Variants in CSMD3 observed in about 807,000 individuals in gnomAD.
CSMD3 encodes CUB and Sushi multiple domains 3, also known as CUB and sushi domain-containing protein 3.
A neutral mutation model predicts 435.2 loss-of-function variants in CSMD3; 177 were observed. The ratio of observed to expected loss-of-function variants is 0.41; its 90% confidence interval spans 0.36 to 0.46. The LOEUF (loss-of-function observed/expected upper bound fraction) is 0.46. Ranked by LOEUF, CSMD3 falls within the 20% of genes least tolerant of loss-of-function variation. The probability of loss-of-function intolerance (pLI) is 0.34; values close to 1 mark genes in which losing one functional copy is unlikely to be tolerated. For synonymous variants in CSMD3, 1,656 were observed against 1,520.5 expected, an observed-to-expected ratio of 1.09 and a Z score of -2.07; for missense variants, 4,265 against 4,504.6, an observed-to-expected ratio of 0.95 and a Z score of 1.52.
At chr8:113,328,098 GAC>G (rs149822754) in intron 1 of CSMD3, among the ~76,000 whole-genome samples, 62 of 148,458 alleles carry the variant, frequency 4.2e-4, no homozygotes, top group Admixed American at 1.3e-3. Flanking sequence ...GACACACACA[GAC>G]ACACACACAC....
intron 13 of CSMD3, among the ~76,000 whole-genome samples, chr8:112,776,885 C>T (rs1434462077): frequency 2.0e-5 from 3 of 151,584 alleles, no homozygotes; most frequent in Non-Finnish European, 4.4e-5. Flanking sequence ...AATAAATATA[C>T]AATTTAATTT....
chr8:113,076,504 A>G (rs1217334698), intron 5 of CSMD3, among the ~76,000 whole-genome samples: 1 of 152,074 alleles, frequency 6.6e-6, no homozygotes, highest in East Asian at 1.9e-4. Flanking sequence ...ATTTGATTAA[A>G]TCTATAGTAG....
chr8:112,694,660 GT>G (rs903982555), intron 13 of CSMD3, among the ~76,000 whole-genome samples: 1 of 151,844 alleles, frequency 6.6e-6, no homozygotes, highest in Non-Finnish European at 1.5e-5. Context: ...CTGCTTTTGG[GT>G]TTTTTTCCTA....
intron 31 of CSMD3, among the ~76,000 whole-genome samples, chr8:112,490,710 G>A (rs944382913): frequency 8.6e-5 from 13 of 151,982 alleles, no homozygotes; most frequent in Non-Finnish European, 1.5e-5. Flanking sequence ...GTTTCCAAAT[G>A]ATCATTGACA....
chr8:112,879,246 C>T lies in CSMD3; in HGVS notation c.1634-19980G>A, dbSNP rs180897808. Among the ~76,000 whole-genome samples, 23 of 152,202 alleles carry T rather than the reference C, an allele frequency of 1.5e-4. 1 individual carries two copies. In the East Asian group the frequency reaches 3.9e-3, roughly 26 times the overall value. On this transcript the variant is annotated intron_variant, in intron 10 of 70. Transcript: ENST00000297405. ...GGAGGAAGCCTCTAAAATGGCCGCT[C>T]TAGGAGTATCTGCCTTATGCAGTTG... is the stretch of plus-strand genomic sequence containing the variant.
chr8:112,308,332 G>C (rs968082839), intron 50 of CSMD3, among the ~76,000 whole-genome samples: 3 of 152,050 alleles, frequency 2.0e-5, no homozygotes, highest in Non-Finnish European at 4.4e-5. Context: ...GTGTAGTATA[G>C]ATTGAATCTA....
intron 12 of CSMD3, among the ~76,000 whole-genome samples, chr8:112,813,441 C>T (rs1020458379): frequency 6.6e-6 from 1 of 152,048 alleles, no homozygotes; most frequent in African/African-American, 2.4e-5. Flanking sequence ...TTGTACAGGA[C>T]TTTACAAAGT....
At chr8:112,257,133 C>T (rs533877325) in intron 61 of CSMD3, among the ~76,000 whole-genome samples, 1 of 152,088 alleles carries the variant, frequency 6.6e-6, no homozygotes, top group African/African-American at 2.4e-5. Context: ...CTATTTATAA[C>T]AAACCCACAG....
intron 5 of CSMD3, among the ~76,000 whole-genome samples, chr8:113,085,198 G>C (rs886270932): frequency 6.6e-6 from 1 of 151,584 alleles, no homozygotes; most frequent in Non-Finnish European, 1.5e-5. Context: ...TATCCACAAA[G>C]GACTAATATT....
At position 112,336,552 on chromosome 8, in the gene CSMD3, A is replaced by T. The variant is rs886279897; in HGVS notation, c.7019+100T>A. 22 of 924,976 alleles carry T rather than the reference A, an allele frequency of 2.4e-5. No individual in the cohort carries two copies. In the Admixed American group the frequency reaches 2.5e-4, roughly 10 times the overall value. The allele number at this position is 924,976 out of a possible 1,614,324, so 57.3% of individuals were successfully genotyped here. On this transcript the variant is annotated intron_variant, in intron 44 of 70. Transcript: ENST00000297405. Reference sequence around the variant, plus strand: ...AGTTACTCACATCAATTCAAATATCAGATGACAATTTGTAACAGAGGATTG... The same window carrying T: ...AGTTACTCACATCAATTCAAATATCTGATGACAATTTGTAACAGAGGATTG...
At chr8:112,465,087 C>T (rs974941048) in intron 32 of CSMD3, among the ~76,000 whole-genome samples, 3 of 152,066 alleles carry the variant, frequency 2.0e-5, no homozygotes, top group African/African-American at 7.2e-5. Flanking sequence ...AACATAGGGC[C>T]TTTAAACATT....
At chr8:113,017,800 A>G (rs987962281) in intron 6 of CSMD3, among the ~76,000 whole-genome samples, 15 of 152,170 alleles carry the variant, frequency 9.9e-5, no homozygotes, top group African/African-American at 3.4e-4. Flanking sequence ...TTTAAAAGTG[A>G]CATTGCCTTA....
In CSMD3 at chr8:112,314,539, T is replaced by C; in HGVS notation, c.7439A>G (p.Asn2480Ser). ...AATGCTCCATGCACACATTTGAAGA[T>C]TTGGGTAACTGTCAGGATATCCAGG... Reference protein sequence around the residue: ...LSPGYPDSYPNLQMCAWSISV... With the variant: ...LSPGYPDSYPSLQMCAWSISV... The change falls in exon 48 of 71, where the codon AAT becomes AGT. Residue 2480 changes from asparagine to serine, a missense_variant. By Grantham distance (46) the Asn-to-Ser change is conservative (BLOSUM62 1). This residue lies in a region of CSMD3 where 3,255 missense variants were observed against 3,380.2 expected (regional missense o/e 0.96). Coordinates refer to ENST00000297405, the MANE Select transcript of CSMD3 (RefSeq NM_198123.2). 2 of 1,612,080 alleles carry C rather than the reference T, an allele frequency of 1.2e-6. No individual in the cohort carries two copies. Among genetic ancestry groups the C allele is most frequent in the Non-Finnish European group, 1.7e-6 (2 of 1,178,288 alleles).
intron 5 of CSMD3, among the ~76,000 whole-genome samples, chr8:113,079,392 A>G (rs1216212530): frequency 1.3e-5 from 2 of 152,182 alleles, no homozygotes; most frequent in African/African-American, 4.8e-5. Context: ...CAATAGTGAG[A>G]CAATGACTGG....
At chr8:112,477,821 AC>A (rs1235275096) in intron 31 of CSMD3, among the ~76,000 whole-genome samples, 6 of 152,334 alleles carry the variant, frequency 3.9e-5, no homozygotes, top group African/African-American at 1.4e-4. Context: ...AAACAGACTA[AC>A]AAATTGAAAG....
At chr8:112,673,548 G>A (rs2075705467) in intron 16 of CSMD3, among the ~76,000 whole-genome samples, 1 of 152,102 alleles carries the variant, frequency 6.6e-6, no homozygotes, top group African/African-American at 2.4e-5. Flanking sequence ...ATACATATCT[G>A]TTTATAAGAA....
chr8:113,068,430 G>A (rs1246376765), intron 5 of CSMD3, among the ~76,000 whole-genome samples: 1 of 152,090 alleles, frequency 6.6e-6, no homozygotes, highest in African/African-American at 2.4e-5. Flanking sequence ...GCCATTTATT[G>A]GAACATTTCT....
At chr8:112,740,419 T>C (rs56345749) in intron 13 of CSMD3, among the ~76,000 whole-genome samples, 41 of 151,916 alleles carry the variant, frequency 2.7e-4, no homozygotes, top group Non-Finnish European at 5.2e-4. Context: ...TTATCATTTA[T>C]ATTGACCTTC....
intron 3 of CSMD3, among the ~76,000 whole-genome samples, chr8:113,179,820 A>T (rs535482795): frequency 7.9e-4 from 120 of 151,920 alleles, no homozygotes; most frequent in Non-Finnish European, 1.1e-3. Flanking sequence ...AGAAATTTTT[A>T]AAAAAAAGTG....
Sources: gnomAD v4.1 joint callset for allele counts (sites outside exome capture counted in the v4.1 genomes callset) on GRCh38, gnomAD v4.1.1 for gene constraint, gnomAD v4.1.1 regional missense constraint, MANE v1.5 for transcripts, NCBI Gene and HGNC (gene_info 2026-07-23, HGNC 2026-07-21) for gene names.